The following DAG1 variants were observed in gnomAD, a reference collection of about 807,000 sequenced individuals.
DAG1 encodes dystroglycan 1.
Under a neutral mutation model 46.1 loss-of-function variants are expected in DAG1, and 8 were observed. That is an observed-to-expected ratio of 0.17 (90% CI 0.10 to 0.31). The LOEUF is 0.31. DAG1 is among the 10% of genes least tolerant of loss of function. The probability of loss-of-function intolerance (pLI) is 1.00; values close to 1 mark genes in which losing one functional copy is unlikely to be tolerated. For missense variants in DAG1, 1,003 were observed against 1,189.9 expected (o/e 0.84, Z 2.31); for synonymous variants, 495 against 481.8 (o/e 1.03, Z -0.36).
intron 1 of DAG1, among the ~76,000 whole-genome samples, chr3:49,496,291 G>C (rs978634710): frequency 1.3e-5 from 2 of 151,862 alleles, no homozygotes; most frequent in African/African-American, 4.8e-5. Context: ...TCCCACCTCA[G>C]GCCAAGTAGC....
rs781242650 is a variant in DAG1, at chr3:49,532,313, G to C, written c.1802G>C (p.Gly601Ala). The C allele has an allele frequency of 6.2e-7, 1 of 1,614,172 alleles. No individual in the cohort carries two copies. The highest frequency in any genetic ancestry group is 8.5e-7 in the Non-Finnish European group (1 of 1,180,034). Reference sequence around the variant, plus strand: ...ATCCACGTCCACAGGCGCCCCCAAGGGGATAGGGCTCCTGCAAGGTTCAAG... The same window carrying C: ...ATCCACGTCCACAGGCGCCCCCAAGCGGATAGGGCTCCTGCAAGGTTCAAG... ...FEIHVHRRPQ[G>A]DRAPARFKAK... is the part of the protein sequence containing the mutation. Residue 601 changes from glycine to alanine, a missense_variant, in exon 3 of 3, where the codon GGG becomes GCG. This residue lies in a region of DAG1 where 755 missense variants were observed against 854.1 expected (regional missense o/e 0.88). Coordinates refer to ENST00000308775, the MANE Select transcript of DAG1 (RefSeq NM_004393.6). This position sits in a 1 kb window ranked among gnomAD's most constrained non-coding sequence, Gnocchi z 5.4.
Position 49,510,017 on chromosome 3 carries a change from C to T in DAG1, c.-116-402C>T, listed in dbSNP as rs186784026. Among the ~76,000 whole-genome samples, 395 of 152,322 alleles carry T rather than the reference C, an allele frequency of 2.6e-3. 1 individual carries two copies. The highest frequency in any genetic ancestry group is 9.0e-3 in the African/African-American group (373 of 41,572). On this transcript the variant is annotated intron_variant, in intron 1 of 2. Coordinates refer to ENST00000308775, the MANE Select transcript of DAG1 (RefSeq NM_004393.6). ...ATGCCAGGATCATAGGCGTGAGCCA[C>T]GGTGCCCGTCTTGTTTAATACATTT...
intron 1 of DAG1, among the ~76,000 whole-genome samples, chr3:49,479,628 CTTTTTTTTT>C (rs71080522): frequency 2.1e-5 from 1 of 47,190 alleles, no homozygotes; most frequent in Non-Finnish European, 3.5e-5. Context: ...TATAACATTT[CTTTTTTTTT>C]TTTTTTTTTT....
At chr3:49,520,540 G>A (rs1336063736) in intron 2 of DAG1, among the ~76,000 whole-genome samples, 1 of 152,218 alleles carries the variant, frequency 6.6e-6, no homozygotes, top group Admixed American at 6.5e-5. Flanking sequence ...AGGAAAGCAG[G>A]GACTTTGCCA....
At chr3:49,495,887 C>T (rs993578605) in intron 1 of DAG1, among the ~76,000 whole-genome samples, 8 of 151,936 alleles carry the variant, frequency 5.3e-5, no homozygotes, top group African/African-American at 1.9e-4. Flanking sequence ...GCCACTTGCA[C>T]TCCAGCCTGG....
At position 49,534,283 on chromosome 3, in the gene DAG1, G is replaced by C. The variant is rs1355874460; in HGVS notation, c.*1084G>C. ...ATGCAATATTTTTATGTCATGTGAT[G>C]CTCTTTCCTCACTTGACCTTGGCCG... On this transcript the variant is annotated 3_prime_UTR_variant, in exon 3 of 3. Coordinates refer to ENST00000308775, the MANE Select transcript of DAG1 (RefSeq NM_004393.6). The C allele has an allele frequency of 6.6e-6, 1 of 152,282 alleles. No homozygotes were observed. Among genetic ancestry groups the C allele is most frequent in the Non-Finnish European group, 1.5e-5 (1 of 67,998 alleles). The allele number at this position is 152,282 out of a possible 1,614,324, so 9.4% of individuals were successfully genotyped here.
chr3:49,482,740 T>C (rs978300270), intron 1 of DAG1, among the ~76,000 whole-genome samples: 1 of 152,216 alleles, frequency 6.6e-6, no homozygotes, highest in Non-Finnish European at 1.5e-5. Context: ...CAATCCCTCA[T>C]GGATACCGAG....
chr3:49,530,959 A>G lies in DAG1; in HGVS notation c.448A>G (p.Ser150Gly), dbSNP rs1227043625. Residue 150 changes from serine (S) to glycine (G), a missense_variant, in exon 3 of 3, where the codon AGT (serine) becomes GGT (glycine). Transcript: ENST00000308775. ...CGGGAGCCACATCCCCCAGACCTCCAGTGTGTTCTCCATCGAGGTCTACCC... is the reference window on the plus strand; with the variant it reads ...CGGGAGCCACATCCCCCAGACCTCCGGTGTGTTCTCCATCGAGGTCTACCC... The part of the protein sequence containing the change: ...ANGSHIPQTS[S>G]VFSIEVYPED... The G allele has an allele frequency of 1.2e-6, 2 of 1,614,112 alleles. No individual in the cohort carries two copies. The highest frequency in any genetic ancestry group is 2.2e-5 in the South Asian group (2 of 91,072).
In DAG1 at chr3:49,533,611, G is replaced by A; in HGVS notation, c.*412G>A. ...TGTACTGTTTTTTCTATTCACGTGTGTCTAGCTGCAGGATGTAACATGGAA... is the reference window on the plus strand; with the variant it reads ...TGTACTGTTTTTTCTATTCACGTGTATCTAGCTGCAGGATGTAACATGGAA... On this transcript the variant is annotated 3_prime_UTR_variant, in exon 3 of 3. Coordinates refer to ENST00000308775, the MANE Select transcript of DAG1 (RefSeq NM_004393.6). 2.8e-6 allele frequency: 1 copy of A among 355,094 alleles called. No individual in the cohort carries two copies. The highest frequency in any genetic ancestry group is 5.5e-6 in the Non-Finnish European group (1 of 183,462). The allele number at this position is 355,094 out of a possible 1,614,324, so 22.0% of individuals were successfully genotyped here. A position where few individuals can be genotyped will look rare whatever the true frequency, so the allele number is the denominator to read the frequency against.
At chr3:49,511,731 C>T (rs2050765511) in intron 2 of DAG1, among the ~76,000 whole-genome samples, 1 of 152,226 alleles carries the variant, frequency 6.6e-6, no homozygotes, top group Non-Finnish European at 1.5e-5. Context: ...TCAAGCTAGT[C>T]TTGAACTCCT....
intron 1 of DAG1, 87 bp from the exon 2 acceptor site, chr3:49,510,332 T>C: frequency 3.2e-6 from 2 of 617,176 alleles, no homozygotes; most frequent in South Asian, 1.9e-5. Flanking sequence ...TCGGGGTAGA[T>C]GTTTTTGACA....
chr3:49,480,226 AC>A (rs1470518778), intron 1 of DAG1, among the ~76,000 whole-genome samples: 2 of 149,050 alleles, frequency 1.3e-5, no homozygotes, highest in African/African-American at 5.0e-5. Context: ...TGCTGGGATT[AC>A]AGGCGTGAGC....
At chr3:49,480,760 T>G (rs908109578) in intron 1 of DAG1, among the ~76,000 whole-genome samples, 16 of 124,406 alleles carry the variant, frequency 1.3e-4, no homozygotes, top group African/African-American at 4.0e-4. Flanking sequence ...GCATAAAGTT[T>G]TTTTTTTTTT....
intron 2 of DAG1, among the ~76,000 whole-genome samples, chr3:49,528,355 G>A (rs1416439812): frequency 4.7e-5 from 6 of 127,420 alleles, no homozygotes; most frequent in Admixed American, 9.9e-5. Context: ...TGTGGTCTCC[G>A]CTCACTGCAG....
chr3:49,519,288 A>G (rs1395622152), intron 2 of DAG1, among the ~76,000 whole-genome samples: 1 of 152,132 alleles, frequency 6.6e-6, no homozygotes, highest in Non-Finnish European at 1.5e-5. Flanking sequence ...CAGATGTCTC[A>G]TTTTGGTAGA....
intron 1 of DAG1, among the ~76,000 whole-genome samples, chr3:49,492,222 G>A (rs913618297): frequency 3.3e-5 from 5 of 152,226 alleles, no homozygotes; most frequent in Admixed American, 6.5e-5. Flanking sequence ...ACCGTACCCC[G>A]CCTGGCTCCA....
chr3:49,487,692 C>CTTTTTTTTTTTTTTTTTTTT (rs10686005), intron 1 of DAG1, among the ~76,000 whole-genome samples: 6 of 105,718 alleles, frequency 5.7e-5, no homozygotes, highest in Non-Finnish European at 9.0e-5. Context: ...CCCATACATT[C>CTTTTTTTTTTTTTTTTTTTT]TTTTTTTTTT....
chr3:49,523,657 T>C (rs991455902), intron 2 of DAG1, among the ~76,000 whole-genome samples: 6 of 152,134 alleles, frequency 3.9e-5, no homozygotes, highest in African/African-American at 9.7e-5. Flanking sequence ...GGGTCCAAGG[T>C]CAGTTGGGAA....
Position 49,530,777 on chromosome 3 carries a change from T to A in DAG1, c.286-20T>A, listed in dbSNP as rs773363718. 6.2e-7 allele frequency: 1 copy of A among 1,614,228 alleles called. No individual in the cohort carries two copies. The highest frequency in any genetic ancestry group is 8.5e-7 in the Non-Finnish European group (1 of 1,180,048). ...TGCAGTGACAATAGTATTTTTAATT[T>A]ATGCTTGTGTCTCTTCTAGGTATCA... On this transcript the variant is annotated intron_variant, in intron 2 of 2. Transcript: ENST00000308775.
Sources: gnomAD v4.1 joint callset for allele counts (sites outside exome capture counted in the v4.1 genomes callset) on GRCh38, gnomAD v4.1.1 for gene constraint, gnomAD v4.1.1 regional missense constraint, Gnocchi (gnomAD v3.1) non-coding constraint, MANE v1.5 for transcripts, NCBI Gene and HGNC (gene_info 2026-07-23, HGNC 2026-07-21) for gene names.